Variants in SMARCC1 observed in about 807,000 individuals in gnomAD.
SMARCC1 encodes the protein SWI/SNF related BAF chromatin remodeling complex subunit C1.
In SMARCC1, 43 loss-of-function variants were observed where a neutral mutation model predicts 147.4. The ratio of observed to expected loss-of-function variants is 0.29; its 90% confidence interval spans 0.23 to 0.38. The LOEUF is 0.38. SMARCC1 is among the 10% of genes least tolerant of loss of function. SMARCC1 has a pLI of 1.00. For missense variants in SMARCC1, 1,119 were observed against 1,381.1 expected, an observed-to-expected ratio of 0.81 and a Z score of 3.01; for synonymous variants, 495 against 484.4, an observed-to-expected ratio of 1.02 and a Z score of -0.29.
intron 11 of SMARCC1, among the ~76,000 whole-genome samples, chr3:47,698,369 T>C (rs1391077779): frequency 6.6e-6 from 1 of 152,118 alleles, no homozygotes; most frequent in Non-Finnish European, 1.5e-5. Context: ...ATAAATGTGT[T>C]CTTTCGAAGA....
intron 21 of SMARCC1, among the ~76,000 whole-genome samples, chr3:47,648,710 T>C (rs1464194169): frequency 6.6e-6 from 1 of 152,094 alleles, no homozygotes; most frequent in Non-Finnish European, 1.5e-5. Flanking sequence ...TAATAATTCT[T>C]ATAGCCCTTC....
In SMARCC1 at chr3:47,738,121, A is replaced by AT. The variant is rs1181412955; in HGVS notation, c.402-12_402-11insA. On this transcript the variant is annotated splice_polypyrimidine_tract_variant and intron_variant, in intron 3 of 27. Coordinates refer to ENST00000254480, the MANE Select transcript of SMARCC1 (RefSeq NM_003074.4). ...AGGTCAAACCTCCGCCTAAAAAAAA[A>AT]GAAAAACCCTAGTTAATTTGTCTCC... 3 of 1,546,182 alleles carry AT rather than the reference A, an allele frequency of 1.9e-6. No homozygotes were observed. The Admixed American group carries it at 6.3e-5, about 32-fold the overall frequency.
chr3:47,628,087 C>A (rs1382212181), intron 24 of SMARCC1, among the ~76,000 whole-genome samples: 2 of 151,742 alleles, frequency 1.3e-5, no homozygotes, highest in African/African-American at 4.8e-5. Flanking sequence ...CTTCTTAGGT[C>A]TGTAAGTTAA....
In SMARCC1 at chr3:47,586,817, G is replaced by A. The variant is rs2032078155; in HGVS notation, c.*1392C>T. 1 of 152,602 alleles carries A rather than the reference G, an allele frequency of 6.6e-6. No homozygotes were observed. Among genetic ancestry groups the A allele is most frequent in the African/African-American group, 2.4e-5 (1 of 41,420 alleles). The allele number at this position is 152,602 out of a possible 1,614,324, so 9.5% of individuals were successfully genotyped here. On this transcript the variant is annotated 3_prime_UTR_variant, in exon 28 of 28. Coordinates refer to ENST00000254480, the MANE Select transcript of SMARCC1 (RefSeq NM_003074.4). Reference sequence around the variant, plus strand: ...TCCCCACACATGGAAGGACAGAAGGGAGGGAAGGACAAGAGGAAAAAACCG... The same window carrying A: ...TCCCCACACATGGAAGGACAGAAGGAAGGGAAGGACAAGAGGAAAAAACCG...
rs966538772 is a variant in SMARCC1, at chr3:47,586,643, C to T, written c.*1566G>A. On this transcript the variant is annotated 3_prime_UTR_variant, in exon 28 of 28. Transcript: ENST00000254480. ...AGTGTTTTATAAACACCTCCCTATA[C>T]CCTCTCATATGTAAAGCTTTAGAAA... is the stretch of plus-strand genomic sequence containing the variant. The T allele has an allele frequency of 6.6e-6, 1 of 152,146 alleles. No homozygotes were observed. Among genetic ancestry groups the T allele is most frequent in the Non-Finnish European group, 1.5e-5 (1 of 67,946 alleles). The allele number at this position is 152,146 out of a possible 1,614,324, so 9.4% of individuals were successfully genotyped here. A position where few individuals can be genotyped will look rare whatever the true frequency, so the allele number is the denominator to read the frequency against.
chr3:47,704,128 G>T (rs2033960983), intron 10 of SMARCC1, among the ~76,000 whole-genome samples: 1 of 152,030 alleles, frequency 6.6e-6, no homozygotes, highest in Non-Finnish European at 1.5e-5. Flanking sequence ...ACAAAAGGAA[G>T]GAGAGTACAC....
chr3:47,676,690 TGAGGAGTAGGAG>T lies in SMARCC1; in HGVS notation c.1652_1663del (p.Pro551_Pro554del). 3 of 1,613,742 alleles carry T rather than the reference TGAGGAGTAGGAG, an allele frequency of 1.9e-6. No homozygotes were observed. The highest frequency in any genetic ancestry group is 2.5e-6 in the Non-Finnish European group (3 of 1,179,774). On this transcript the variant is annotated inframe_deletion, in exon 17 of 28. Transcript: ENST00000254480. ...GGGGGTATCAGCTAATACATTAAAA[TGAGGAGTAGGAG>T]GAGGTCCCATTGCCATGGGTCTACT...
At chr3:47,677,873 T>C (rs1246511708) in intron 16 of SMARCC1, among the ~76,000 whole-genome samples, 1 of 152,088 alleles carries the variant, frequency 6.6e-6, no homozygotes, top group Non-Finnish European at 1.5e-5. Context: ...CCTCTAATGC[T>C]GAACACAGTG....
Position 47,738,102 on chromosome 3 carries a change from A to G in SMARCC1, c.410T>C (p.Phe137Ser). 1 of 1,563,116 alleles carries G rather than the reference A, an allele frequency of 6.4e-7. No individual in the cohort carries two copies. The highest frequency in any genetic ancestry group is 8.6e-7 in the Non-Finnish European group (1 of 1,157,048). Residue 137 changes from phenylalanine (F) to serine (S), a missense_variant, in exon 4 of 28, where the codon TTT (phenylalanine) becomes TCT (serine). Phe to Ser is a radical substitution (Grantham distance 155, BLOSUM62 -2). Around this residue, in one of 6 missense-constraint regions of SMARCC1, gnomAD observed 542 missense variants for 611.8 expected, o/e 0.89. Transcript: ENST00000254480. The stretch of plus-strand genomic sequence containing the variant: ...CATTCGAGATGGGTTCTGTAGGTCA[A>G]ACCTCCGCCTAAAAAAAAAGAAAAA... ...KYKNEQGWRR[F>S]DLQNPSRMDR...
rs79031758 is a variant in SMARCC1, at chr3:47,752,635, T to C, written c.316-6642A>G. 9.2e-3 allele frequency among the ~76,000 whole-genome samples: 1,399 copies of C among 151,752 alleles called. 20 individuals are homozygous for C. Among genetic ancestry groups the C allele is most frequent in the African/African-American group, 0.032 (1,344 of 41,354 alleles). ...GCGAAACCCTGTCTCTAGAAAATAA[T>C]TAAAATAAAATTAGCCCGGCATGGT... On this transcript the variant is annotated intron_variant, in intron 2 of 27. Coordinates refer to ENST00000254480, the MANE Select transcript of SMARCC1 (RefSeq NM_003074.4).
chr3:47,635,453 C>A, intron 23 of SMARCC1, 109 bp from the exon 24 acceptor site: 2 of 956,400 alleles, frequency 2.1e-6, no homozygotes, highest in East Asian at 2.4e-5. Flanking sequence ...AAAGAGATGT[C>A]AATGCCTTTT....
chr3:47,650,688 C>T (rs2033179204), intron 21 of SMARCC1, among the ~76,000 whole-genome samples: 1 of 152,040 alleles, frequency 6.6e-6, no homozygotes, highest in South Asian at 2.1e-4. Flanking sequence ...TGGTGGTGCA[C>T]ACCTGTAGTC....
chr3:47,643,478 A>T (rs1444442581), intron 21 of SMARCC1, among the ~76,000 whole-genome samples: 1 of 152,182 alleles, frequency 6.6e-6, no homozygotes, highest in East Asian at 1.9e-4. Flanking sequence ...CTACATGCAT[A>T]ATGTAACCAC....
intron 18 of SMARCC1, among the ~76,000 whole-genome samples, chr3:47,672,986 T>C (rs933513913): frequency 1.3e-5 from 2 of 152,074 alleles, no homozygotes; most frequent in Admixed American, 6.6e-5. Context: ...GGTTTCACCA[T>C]GCCCAGCCCG....
intron 7 of SMARCC1, among the ~76,000 whole-genome samples, chr3:47,716,415 C>CAAAAAA (rs776727634): frequency 1.9e-5 from 1 of 51,922 alleles, no homozygotes. Context: ...GACTCCATCT[C>CAAAAAA]AAAAAAAAAA....
intron 7 of SMARCC1, among the ~76,000 whole-genome samples, chr3:47,716,244 C>T (rs1459372878): frequency 6.6e-6 from 1 of 151,266 alleles, no homozygotes; most frequent in Admixed American, 6.6e-5. Context: ...TGGTGAAATC[C>T]CGTTTCTATT....
At chr3:47,650,981 G>A (rs1461667915) in intron 21 of SMARCC1, among the ~76,000 whole-genome samples, 1 of 151,960 alleles carries the variant, frequency 6.6e-6, no homozygotes, top group African/African-American at 2.4e-5. Context: ...ATTCTCAATC[G>A]AAAAGTTACA....
chr3:47,711,226 C>T (rs1439480148), intron 8 of SMARCC1, among the ~76,000 whole-genome samples: 2 of 152,116 alleles, frequency 1.3e-5, no homozygotes, highest in African/African-American at 2.4e-5. Flanking sequence ...CGATCACCTG[C>T]CCCATCATGT....
At chr3:47,778,482 T>TTTTTG (rs1469278271) in intron 1 of SMARCC1, among the ~76,000 whole-genome samples, 28 of 151,804 alleles carry the variant, frequency 1.8e-4, no homozygotes, top group Admixed American at 2.0e-4. Context: ...CTGATGTATT[T>TTTTTG]TTTTGTTTTG....
Sources: allele counts gnomAD v4.1 joint callset (sites outside exome capture counted in the v4.1 genomes callset), GRCh38; gene constraint gnomAD v4.1.1; regional missense constraint gnomAD v4.1.1; transcripts MANE v1.5; gene names NCBI Gene and HGNC (gene_info 2026-07-23, HGNC 2026-07-21).